The following EP300 variants were observed in gnomAD, a reference collection of about 807,000 sequenced individuals.
EP300 encodes histone acetyltransferase p300.
EP300 carries 31 observed loss-of-function variants against 264.0 expected under a neutral mutation model. The ratio of observed to expected loss-of-function variants is 0.12; its 90% confidence interval spans 0.09 to 0.16. EP300 has a LOEUF of 0.16. Ranked by LOEUF, EP300 falls within the 10% of genes least tolerant of loss-of-function variation. EP300 has a pLI of 1.00. For synonymous variants in EP300, 1,340 were observed against 1,045.4 expected (o/e 1.28, Z -5.44); for missense variants, 2,766 against 3,052.9 (o/e 0.91, Z 2.21).
chr22:41,102,321 C>G lies in EP300; in HGVS notation c.94+9223C>G, dbSNP rs560248118. On this transcript the variant is annotated intron_variant, in intron 1 of 30. Coordinates refer to ENST00000263253, the MANE Select transcript of EP300 (RefSeq NM_001429.4). Reference sequence around the variant, plus strand: ...TATATAGTGGGAGGAACAGGAGAACCTAACCCAGTAGTTATCCTGGTGGCT... The same window carrying G: ...TATATAGTGGGAGGAACAGGAGAACGTAACCCAGTAGTTATCCTGGTGGCT... 5.3e-5 allele frequency among the ~76,000 whole-genome samples: 8 copies of G among 152,216 alleles called. No individual in the cohort carries two copies. The South Asian group carries it at 1.7e-3, about 32-fold the overall frequency.
intron 2 of EP300, among the ~76,000 whole-genome samples, chr22:41,125,115 T>C (rs1463405227): frequency 7.4e-6 from 1 of 135,584 alleles, no homozygotes; most frequent in Non-Finnish European, 1.6e-5. Flanking sequence ...TTCTTTCCTT[T>C]TTTTTTTTTT....
At chr22:41,113,607 C>T (rs1426266453) in intron 1 of EP300, among the ~76,000 whole-genome samples, 3 of 152,048 alleles carry the variant, frequency 2.0e-5, no homozygotes, top group African/African-American at 7.3e-5. Context: ...AGTGAAGTGG[C>T]GTGATCTCGG....
At chr22:41,168,655 G>C (rs2145763087) in intron 24 of EP300, 56 bp downstream of exon 24, 1 of 1,614,142 alleles carries the variant, frequency 6.2e-7, no homozygotes, top group African/African-American at 1.3e-5. Context: ...CTCATACATG[G>C]TTACTATTGG....
chr22:41,095,664 G>C (rs2145669982), intron 1 of EP300, among the ~76,000 whole-genome samples: 1 of 151,850 alleles, frequency 6.6e-6, no homozygotes, highest in East Asian at 1.9e-4. Flanking sequence ...TTTTTGAGTT[G>C]TCACTTGGGT....
chr22:41,168,835 G>A lies in EP300; in HGVS notation c.4140G>A (p.Glu1380=), dbSNP rs1418025767. 2.5e-6 allele frequency: 4 copies of A among 1,614,200 alleles called. No homozygotes were observed. Among genetic ancestry groups the A allele is most frequent in the Admixed American group, 3.3e-5 (2 of 60,016 alleles). ...DLCFFGMHVQ[E]YGSDCPPPNQ... ...GCTTCTTTGGCATGCATGTTCAAGA[G>A]TATGGCTCTGACTGCCCTCCACCCA... The change falls in exon 25 of 31, where the codon GAG becomes GAA. Residue 1380 remains glutamate, a synonymous_variant. Transcript: ENST00000263253.
Position 41,149,249 on chromosome 22 carries a change from AGAGT to A in EP300, c.2379+76_2379+79del. On this transcript the variant is annotated intron_variant, in intron 13 of 30. Transcript: ENST00000263253. ...CTCTTGATGTAGGTTTTTATAGGAGAGAGTGGCAGCAAATAGTGGGTGAAAACAG... is the reference window on the plus strand; with the variant it reads ...CTCTTGATGTAGGTTTTTATAGGAGAGGCAGCAAATAGTGGGTGAAAACAG... 3 of 1,567,210 alleles carry A rather than the reference AGAGT, an allele frequency of 1.9e-6. No individual in the cohort carries two copies. The South Asian group carries it at 3.3e-5, about 17-fold the overall frequency.
rs1301322622 is a variant in EP300, at chr22:41,177,580, C to T, written c.5869C>T (p.Pro1957Ser). The T allele has an allele frequency of 9.9e-6, 16 of 1,614,040 alleles. No individual in the cohort carries two copies. The highest frequency in any genetic ancestry group is 1.3e-5 in the African/African-American group (1 of 74,920). The change falls in exon 31 of 31, where the codon CCC (proline) becomes TCC (serine). Residue 1957 changes from proline to serine, a missense_variant. Coordinates refer to ENST00000263253, the MANE Select transcript of EP300 (RefSeq NM_001429.4). The part of the protein sequence containing the change: ...IFQRPIQHQM[P>S]PMTPMAPMGM... ...TCAAAGGCCAATCCAACACCAGATG[C>T]CCCCGATGACTCCCATGGCCCCCAT...
At chr22:41,147,037 G>A (rs1233745771) in intron 11 of EP300, among the ~76,000 whole-genome samples, 2 of 152,138 alleles carry the variant, frequency 1.3e-5, no homozygotes, top group East Asian at 1.9e-4. Context: ...GGGCATGGTG[G>A]CTCACGCTTG....
intron 17 of EP300, among the ~76,000 whole-genome samples, chr22:41,156,358 C>T (rs537796144): frequency 4.6e-4 from 70 of 152,248 alleles, no homozygotes; most frequent in Non-Finnish European, 7.5e-4. Context: ...AAAAAAGGAC[C>T]GTGGTTAGCT....
chr22:41,145,540 A>G (rs2059005871), intron 10 of EP300, among the ~76,000 whole-genome samples: 1 of 152,170 alleles, frequency 6.6e-6, no homozygotes, highest in Non-Finnish European at 1.5e-5. Flanking sequence ...CTGTAAAAAT[A>G]TTTTCTCTGT....
intron 27 of EP300, among the ~76,000 whole-genome samples, chr22:41,172,228 C>A (rs1441202819): frequency 2.0e-5 from 3 of 152,136 alleles, no homozygotes; most frequent in African/African-American, 7.2e-5. Flanking sequence ...TTGATCCTGG[C>A]AGGATAATTG....
chr22:41,179,407 A>AGGACAAAAG lies in EP300; in HGVS notation c.*454_*462dup. 1 of 194,882 alleles carries AGGACAAAAG rather than the reference A, an allele frequency of 5.1e-6. No individual in the cohort carries two copies. The highest frequency in any genetic ancestry group is 1.1e-5 in the Non-Finnish European group (1 of 94,616). 12.1% of individuals were successfully genotyped at this position (194,882 alleles called of 1,614,324 possible). A position where few individuals can be genotyped will look rare whatever the true frequency, so the allele number is the denominator to read the frequency against. On this transcript the variant is annotated 3_prime_UTR_variant, in exon 31 of 31. Coordinates refer to ENST00000263253, the MANE Select transcript of EP300 (RefSeq NM_001429.4). Reference sequence around the variant, plus strand: ...AAGAGTTAAAACATTTCTAAACCAGAGGACAAAAGGGGTTAATGTTACTTT... The same window carrying AGGACAAAAG: ...AAGAGTTAAAACATTTCTAAACCAGAGGACAAAAGGGACAAAAGGGGTTAATGTTACTTT...
At position 41,168,780 on chromosome 22, in the gene EP300, C is replaced by T. The variant is rs1464888363; in HGVS notation, c.4085C>T (p.Ala1362Val). The T allele has an allele frequency of 2.5e-6, 4 of 1,614,032 alleles. No homozygotes were observed. The highest frequency in any genetic ancestry group is 1.3e-5 in the African/African-American group (1 of 74,908). Reference sequence around the variant, plus strand: ...CCATACCGAACCAAAGCCCTCTTTGCCTTTGAAGAAATTGATGGTGTTGAC... The same window carrying T: ...CCATACCGAACCAAAGCCCTCTTTGTCTTTGAAGAAATTGATGGTGTTGAC... ...SFPYRTKALF[A>V]FEEIDGVDLC... The change falls in exon 25 of 31, where the codon GCC becomes GTC. Residue 1362 changes from alanine to valine, a missense_variant. Coordinates refer to ENST00000263253, the MANE Select transcript of EP300 (RefSeq NM_001429.4).
At chr22:41,123,902 T>G (rs2058866249) in intron 2 of EP300, among the ~76,000 whole-genome samples, 1 of 152,250 alleles carries the variant, frequency 6.6e-6, no homozygotes, top group Admixed American at 6.5e-5. Context: ...ATTATTATAG[T>G]ATAATGGCTC....
intron 29 of EP300, among the ~76,000 whole-genome samples, chr22:41,175,478 G>T (rs1035983121): frequency 1.3e-5 from 2 of 152,166 alleles, no homozygotes; most frequent in East Asian, 3.8e-4. Flanking sequence ...AGAATTGATG[G>T]TTGTTACAAG....
rs142009367 is a variant in EP300, at chr22:41,125,886, A to G, written c.752A>G (p.Asn251Ser). Reference protein sequence around the residue: ...PLKMGMMNNPNPYGSPYTQNP... With the variant: ...PLKMGMMNNPSPYGSPYTQNP... ...TAGATGGGAATGATGAACAACCCCA[A>G]TCCTTATGGTTCACCATATACTCAG... Residue 251 changes from asparagine to serine, a missense_variant, in exon 3 of 31, where the codon AAT (asparagine) becomes AGT (serine). By Grantham distance (46) the Asn-to-Ser change is conservative. Transcript: ENST00000263253. The G allele has an allele frequency of 1.6e-4, 260 of 1,614,052 alleles. No homozygotes were observed. Among genetic ancestry groups the G allele is most frequent in the Non-Finnish European group, 2.0e-4 (240 of 1,180,032 alleles).
chr22:41,167,578 GTGTGTGTATATATATATA>G (rs1214678447), intron 23 of EP300, among the ~76,000 whole-genome samples: 20 of 27,680 alleles, frequency 7.2e-4, no homozygotes, highest in African/African-American at 2.3e-3. Flanking sequence ...GTGTGTGTGT[GTGTGTGTATATATATATA>G]TATATATATA....
chr22:41,168,338 C>T, intron 23 of EP300, 111 bp from the exon 24 acceptor site: 3 of 1,336,918 alleles, frequency 2.2e-6, no homozygotes, highest in South Asian at 2.4e-5. Context: ...TAAAATTTCA[C>T]CAAGTTATCC....
At chr22:41,126,284 A>G (rs79245804) in intron 3 of EP300, 150 of 467,176 alleles carry the variant, frequency 3.2e-4, no homozygotes, top group African/African-American at 2.8e-3. Flanking sequence ...AACTGCTACA[A>G]TGAAGTTTTA....
Sources: allele counts gnomAD v4.1 joint callset (sites outside exome capture counted in the v4.1 genomes callset), GRCh38; gene constraint gnomAD v4.1.1; transcripts MANE v1.5; gene names NCBI Gene and HGNC (gene_info 2026-07-23, HGNC 2026-07-21).